LARS2: variants seen among roughly 807,000 people sequenced by gnomAD.
LARS2 encodes leucine--tRNA ligase, mitochondrial.
In LARS2, 81 loss-of-function variants were observed where a neutral mutation model predicts 116.6. That is an observed-to-expected ratio of 0.69 (90% CI 0.58 to 0.84). The LOEUF (loss-of-function observed/expected upper bound fraction) is 0.84, where lower values mean the gene tolerates loss of function less well. Ranked by LOEUF, LARS2 falls within the 40% of genes least tolerant of loss-of-function variation. LARS2 has a pLI of 0.00. For missense variants in LARS2, 968 were observed against 1,114.5 expected (o/e 0.87, Z 1.87); for synonymous variants, 396 against 407.2 (o/e 0.97, Z 0.33).
intron 12 of LARS2, 98 bp from the exon 13 acceptor site, chr3:45,491,419 G>A (rs749640338): frequency 1.5e-5 from 20 of 1,349,206 alleles, no homozygotes; most frequent in Non-Finnish European, 2.1e-5. Context: ...TGGTCCCTTG[G>A]GAGAGCCACA....
chr3:45,496,149 A>G, intron 13 of LARS2, 126 bp from the exon 14 acceptor site: 1 of 729,088 alleles, frequency 1.4e-6, no homozygotes, highest in Non-Finnish European at 2.3e-6. Flanking sequence ...GTGAGCCACC[A>G]CACCCAGCCT....
chr3:45,401,946 C>T (rs1698161774), intron 4 of LARS2, among the ~76,000 whole-genome samples: 1 of 152,146 alleles, frequency 6.6e-6, no homozygotes, highest in African/African-American at 2.4e-5. Flanking sequence ...CAATCTTTAG[C>T]AACACATCAT....
chr3:45,488,847 C>A, intron 12 of LARS2, 35 bp downstream of exon 12: 1 of 1,270,424 alleles, frequency 7.9e-7, no homozygotes, highest in Non-Finnish European at 1.2e-6. Flanking sequence ...AGAATGATCA[C>A]CTTGATACGA....
chr3:45,457,287 G>A (rs894198023), intron 7 of LARS2, among the ~76,000 whole-genome samples: 16 of 152,356 alleles, frequency 1.1e-4, no homozygotes, highest in Middle Eastern at 3.4e-3. Flanking sequence ...AATGCAGGTC[G>A]CAGAGGTCAA....
At position 45,458,973 on chromosome 3, in the gene LARS2, G is replaced by A; in HGVS notation, c.750+87G>A. On this transcript the variant is annotated intron_variant, in intron 8 of 21. Transcript: ENST00000645846. ...CTTCTGGGTATGAGAGAGCCTCACT[G>A]TTGGGGTTGAGCTCTAGGAAGGGCT... is the stretch of plus-strand genomic sequence containing the variant. 15 of 1,385,978 alleles carry A rather than the reference G, an allele frequency of 1.1e-5. No homozygotes were observed. In the South Asian group the frequency reaches 1.8e-4, roughly 17 times the overall value. The allele number at this position is 1,385,978 out of a possible 1,614,324, so 85.9% of individuals were successfully genotyped here.
intron 21 of LARS2, among the ~76,000 whole-genome samples, chr3:45,546,801 T>G (rs1700882357): frequency 6.6e-6 from 1 of 152,200 alleles, no homozygotes; most frequent in African/African-American, 2.4e-5. Context: ...TGACAAGATG[T>G]GGCTCCAATT....
At chr3:45,458,999 G>A (rs968250044) in intron 8 of LARS2, 113 bp downstream of exon 8, 20 of 1,058,200 alleles carry the variant, frequency 1.9e-5, no homozygotes, top group African/African-American at 6.3e-5. Flanking sequence ...AGGAAGGGCT[G>A]GGAGCCATGG....
At chr3:45,491,915 A>G (rs1575289752) in intron 13 of LARS2, 115 bp downstream of exon 13, 9 of 1,008,918 alleles carry the variant, frequency 8.9e-6, no homozygotes, top group South Asian at 1.6e-5. Flanking sequence ...CCTGACTTCC[A>G]TGAGGCTGGA....
chr3:45,430,415 A>G (rs1575249124), intron 6 of LARS2, among the ~76,000 whole-genome samples: 2 of 149,856 alleles, frequency 1.3e-5, no homozygotes, highest in African/African-American at 5.0e-5. Context: ...AGTAGCTGGG[A>G]CTACAGGCGC....
At chr3:45,526,473 G>T (rs1700533271) in intron 20 of LARS2, among the ~76,000 whole-genome samples, 2 of 152,266 alleles carry the variant, frequency 1.3e-5, no homozygotes, top group African/African-American at 2.4e-5. Context: ...CATATCCATG[G>T]GTTGCTGCTT....
At chr3:45,403,802 G>T (rs1698192807) in intron 4 of LARS2, among the ~76,000 whole-genome samples, 2 of 152,110 alleles carry the variant, frequency 1.3e-5, no homozygotes, top group Admixed American at 6.5e-5. Context: ...CCTAAGGTCA[G>T]GCTAGACCCA....
intron 12 of LARS2, among the ~76,000 whole-genome samples, chr3:45,490,459 G>A (rs1188456353): frequency 6.6e-6 from 1 of 152,178 alleles, no homozygotes; most frequent in Admixed American, 6.5e-5. Context: ...AGAATGGCTG[G>A]GGAAAAGCCG....
At chr3:45,409,012 A>G (rs1327904103) in intron 4 of LARS2, among the ~76,000 whole-genome samples, 2 of 152,106 alleles carry the variant, frequency 1.3e-5, no homozygotes, top group Non-Finnish European at 2.9e-5. Context: ...TCACATTCCT[A>G]TCTTTCCAAA....
chr3:45,392,138 TA>T (rs753270482), intron 2 of LARS2, among the ~76,000 whole-genome samples: 2 of 152,176 alleles, frequency 1.3e-5, no homozygotes, highest in Non-Finnish European at 2.9e-5. Flanking sequence ...ACCTAAGCCC[TA>T]AAAATATATG....
chr3:45,546,356 C>T (rs1359898363), intron 21 of LARS2, among the ~76,000 whole-genome samples: 3 of 152,190 alleles, frequency 2.0e-5, no homozygotes, highest in African/African-American at 7.2e-5. Flanking sequence ...AGCTTCAGAA[C>T]GCTTTAAAAC....
chr3:45,497,949 T>C (rs1281345425), intron 14 of LARS2, among the ~76,000 whole-genome samples: 2 of 149,300 alleles, frequency 1.3e-5, no homozygotes, highest in Non-Finnish European at 3.0e-5. Flanking sequence ...GGATCCTGAG[T>C]GAAAGACACC....
intron 9 of LARS2, among the ~76,000 whole-genome samples, chr3:45,475,033 G>T (rs1272704608): frequency 6.6e-6 from 1 of 152,190 alleles, no homozygotes; most frequent in Non-Finnish European, 1.5e-5. Flanking sequence ...ACTGACTAGA[G>T]AGTTGTTCTA....
chr3:45,517,643 C>T (rs144474250), intron 17 of LARS2, among the ~76,000 whole-genome samples: 2 of 152,296 alleles, frequency 1.3e-5, no homozygotes, highest in East Asian at 1.9e-4. Flanking sequence ...AGCTCATGAC[C>T]GTTGGTGGGT....
intron 10 of LARS2, among the ~76,000 whole-genome samples, chr3:45,477,938 CT>C (rs1184781266): frequency 1.3e-5 from 2 of 152,052 alleles, no homozygotes; most frequent in Non-Finnish European, 2.9e-5. Flanking sequence ...TCAGTGAGCA[CT>C]TTCTAAAGAG....
Sources: gnomAD v4.1 joint callset for allele counts (sites outside exome capture counted in the v4.1 genomes callset) on GRCh38, gnomAD v4.1.1 for gene constraint, MANE v1.5 for transcripts, NCBI Gene and HGNC (gene_info 2026-07-23, HGNC 2026-07-21) for gene names.